The following HECW2 variants were observed in gnomAD, a reference collection of about 807,000 sequenced individuals.
HECW2 encodes HECT, C2 and WW domain containing E3 ubiquitin protein ligase 2, also known as E3 ubiquitin-protein ligase HECW2.
HECW2 carries 61 observed loss-of-function variants against 175.2 expected under a neutral mutation model. The observed-to-expected ratio is 0.35, with a 90% CI of 0.28 to 0.43. The LOEUF (loss-of-function observed/expected upper bound fraction) is 0.43. Among genes scored for constraint, HECW2 ranks in the 20% least tolerant of loss-of-function variants. The pLI is 1.00. For missense variants in HECW2, 1,524 were observed against 2,000.5 expected, an observed-to-expected ratio of 0.76 and a Z score of 4.54; for synonymous variants, 671 against 731.0, an observed-to-expected ratio of 0.92 and a Z score of 1.32.
chr2:196,365,947 T>A (rs1693731521), intron 2 of HECW2, among the ~76,000 whole-genome samples: 1 of 152,200 alleles, frequency 6.6e-6, no homozygotes. Flanking sequence ...GGATTTCAAA[T>A]CTTGGGTCTG....
intron 1 of HECW2, among the ~76,000 whole-genome samples, chr2:196,522,351 T>G (rs1322403434): frequency 1.3e-5 from 2 of 152,238 alleles, no homozygotes; most frequent in Non-Finnish European, 2.9e-5. Context: ...TAAATTTGTT[T>G]GAGTTCATTG....
chr2:196,518,078 G>A (rs1314760093), intron 1 of HECW2, among the ~76,000 whole-genome samples: 1 of 151,998 alleles, frequency 6.6e-6, no homozygotes, highest in East Asian at 1.9e-4. Context: ...AACACACCTG[G>A]GATTAAATGA....
chr2:196,392,781 G>T (rs2125185947), intron 2 of HECW2, among the ~76,000 whole-genome samples: 1 of 152,198 alleles, frequency 6.6e-6, no homozygotes, highest in South Asian at 2.1e-4. Context: ...ACATACAAAA[G>T]ATTTTCGTAT....
intron 21 of HECW2, among the ~76,000 whole-genome samples, chr2:196,230,774 T>G (rs564288846): frequency 1.4e-4 from 21 of 152,232 alleles, no homozygotes; most frequent in Non-Finnish European, 2.2e-4. Context: ...AACCCAGGAC[T>G]CCCCCATCCT....
intron 2 of HECW2, among the ~76,000 whole-genome samples, chr2:196,421,195 A>C (rs1378485341): frequency 6.6e-6 from 1 of 152,152 alleles, no homozygotes; most frequent in East Asian, 1.9e-4. Context: ...GATATGCAGA[A>C]AATAAATAAG....
intron 1 of HECW2, among the ~76,000 whole-genome samples, chr2:196,467,323 T>C (rs908398581): frequency 6.6e-6 from 1 of 152,170 alleles, no homozygotes; most frequent in Non-Finnish European, 1.5e-5. Flanking sequence ...TTAGTATTAT[T>C]AGCCTCTACA....
At chr2:196,411,689 T>C (rs1025070466) in intron 2 of HECW2, among the ~76,000 whole-genome samples, 4 of 152,222 alleles carry the variant, frequency 2.6e-5, no homozygotes, top group Non-Finnish European at 5.9e-5. Context: ...GCATTTTTAA[T>C]TAGAAACTTG....
chr2:196,431,307 T>C (rs995901503), intron 2 of HECW2, among the ~76,000 whole-genome samples: 1 of 152,194 alleles, frequency 6.6e-6, no homozygotes, highest in South Asian at 2.1e-4. Context: ...TTCATTGCGG[T>C]TGGAATTCCT....
intron 19 of HECW2, among the ~76,000 whole-genome samples, chr2:196,247,913 G>A (rs909217741): frequency 2.6e-5 from 4 of 152,088 alleles, no homozygotes; most frequent in African/African-American, 4.8e-5. Flanking sequence ...CAGCTCAGAC[G>A]CTCATCTCTT....
At chr2:196,325,440 G>C (rs1321247896) in intron 5 of HECW2, among the ~76,000 whole-genome samples, 1 of 152,214 alleles carries the variant, frequency 6.6e-6, no homozygotes, top group Admixed American at 6.5e-5. Context: ...GGCCGCAAAA[G>C]TGAAGCCAAA....
chr2:196,242,385 C>T (rs976401981), intron 19 of HECW2, 181 bp from the exon 20 acceptor site: 10 of 664,512 alleles, frequency 1.5e-5, no homozygotes, highest in Admixed American at 3.1e-5. Context: ...TCTTAAGTGA[C>T]GTCCTCTTTG....
intron 3 of HECW2, among the ~76,000 whole-genome samples, chr2:196,341,603 T>C (rs1692754368): frequency 6.6e-6 from 1 of 152,252 alleles, no homozygotes; most frequent in South Asian, 2.1e-4. Context: ...AACTTTCCTA[T>C]ATGCTGTGCT....
intron 28 of HECW2, among the ~76,000 whole-genome samples, chr2:196,202,867 T>C (rs749001811): frequency 6.6e-5 from 10 of 152,198 alleles, no homozygotes; most frequent in Admixed American, 2.0e-4. Flanking sequence ...TTTGCATATA[T>C]ATAATGAGAT....
intron 5 of HECW2, among the ~76,000 whole-genome samples, chr2:196,327,202 G>C (rs570274582): frequency 1.2e-4 from 18 of 152,100 alleles, no homozygotes; most frequent in Non-Finnish European, 2.5e-4. Context: ...CATTCCACCA[G>C]ACAATTAAGT....
intron 1 of HECW2, among the ~76,000 whole-genome samples, chr2:196,465,050 A>AT (rs1696898409): frequency 6.6e-6 from 1 of 152,166 alleles, no homozygotes; most frequent in Admixed American, 6.5e-5. Context: ...AAAGAAGGGG[A>AT]TAGCAATACC....
At position 196,319,668 on chromosome 2, in the gene HECW2, G is replaced by A. The variant is rs1293086214; in HGVS notation, c.1222C>T (p.Pro408Ser). The A allele has an allele frequency of 1.9e-6, 3 of 1,614,096 alleles. No homozygotes were observed. The African/African-American group carries it at 4.0e-5, about 22-fold the overall frequency. Residue 408 changes from proline (P) to serine (S), a missense_variant, in exon 9 of 29, where the codon CCT (proline) becomes TCT (serine). Physicochemically the swap from Pro to Ser is moderately conservative, Grantham distance 74 (BLOSUM62 -1). Around this residue, in one of 11 missense-constraint regions of HECW2, gnomAD observed 604 missense variants for 588.3 expected, o/e 1.03. Transcript: ENST00000644978. ...ELTSTSSRTS[P>S]PRGRQDSLND... The stretch of plus-strand genomic sequence containing the variant: ...AGTGAATCCTGACGTCCTCTGGGAG[G>A]TGAGGTCCTTGAAGACGTAGAGGTT...
chr2:196,221,455 T>G (rs528618466), intron 24 of HECW2, among the ~76,000 whole-genome samples: 15 of 152,268 alleles, frequency 9.9e-5, no homozygotes, highest in Admixed American at 6.5e-4. Context: ...TCCCTACTCT[T>G]CCACCAATTT....
At chr2:196,330,515 G>A (rs1692319279) in intron 4 of HECW2, among the ~76,000 whole-genome samples, 1 of 152,076 alleles carries the variant, frequency 6.6e-6, no homozygotes, top group Non-Finnish European at 1.5e-5. Context: ...AGGCTCTTTG[G>A]AGCTCTCTGC....
chr2:196,440,140 C>T (rs1383305593), intron 1 of HECW2, among the ~76,000 whole-genome samples: 2 of 152,038 alleles, frequency 1.3e-5, no homozygotes, highest in Non-Finnish European at 2.9e-5. Context: ...GAGGGTGGGT[C>T]CAAATTGTCG....
Sources: gnomAD v4.1 joint callset for allele counts (sites outside exome capture counted in the v4.1 genomes callset) on GRCh38, gnomAD v4.1.1 for gene constraint, gnomAD v4.1.1 regional missense constraint, MANE v1.5 for transcripts, NCBI Gene and HGNC (gene_info 2026-07-23, HGNC 2026-07-21) for gene names.